Variants in HMGCLL1 observed in about 807,000 individuals in gnomAD.
HMGCLL1 encodes 3-hydroxymethyl-3-methylglutaryl-CoA lyase, cytoplasmic.
In HMGCLL1, 36 loss-of-function variants were observed where a neutral mutation model predicts 39.1. The observed-to-expected ratio is 0.92, with a 90% CI of 0.71 to 1.22. HMGCLL1 has a LOEUF of 1.22. Among genes scored for constraint, HMGCLL1 ranks in the 50% most tolerant of loss-of-function variants. HMGCLL1 has a pLI of 0.00. For synonymous variants in HMGCLL1, 149 were observed against 144.0 expected, an observed-to-expected ratio of 1.03 and a Z score of -0.25; for missense variants, 451 against 416.5, an observed-to-expected ratio of 1.08 and a Z score of -0.72.
At chr6:55,575,832 T>C (rs927640107) in intron 1 of HMGCLL1, among the ~76,000 whole-genome samples, 5 of 152,304 alleles carry the variant, frequency 3.3e-5, no homozygotes, top group Non-Finnish European at 5.9e-5. Context: ...ATGTCCCCAT[T>C]CTCACTGATT....
the HMGCLL1 span, among the ~76,000 whole-genome samples, chr6:55,594,304 A>C: frequency 6.6e-6 from 1 of 152,158 alleles, no homozygotes; most frequent in East Asian, 1.9e-4. Flanking sequence ...CATTGAGAAC[A>C]CATGTCCCAG....
rs542597506 is a variant in HMGCLL1 at position 55,461,160 on chromosome 6, A to G, written c.796-21601T>C. ...GACAAGCAATGTGAACATTCTAAAG[A>G]ATAATGATCTACTATTTATTTTTTT... On this transcript the variant is annotated intron_variant, in intron 7 of 8. Coordinates refer to ENST00000274901, the MANE Select transcript of HMGCLL1 (RefSeq NM_001042406.2). Among the ~76,000 whole-genome samples the G allele has an allele frequency of 1.2e-4, 19 of 152,096 alleles. No individual in the cohort carries two copies. In the South Asian group the frequency reaches 3.9e-3, roughly 32 times the overall value.
intron 1 of HMGCLL1, among the ~76,000 whole-genome samples, chr6:55,553,249 G>GTGTGTGTGTGTT (rs1770464541): frequency 9.9e-5 from 1 of 10,096 alleles, no homozygotes; most frequent in Non-Finnish European, 2.6e-4. Flanking sequence ...ACATATATAC[G>GTGTGTGTGTGTT]TGTGTGTGTG....
intron 1 of HMGCLL1, 115 bp from the exon 2 acceptor site, chr6:55,542,255 C>G: frequency 1.7e-6 from 1 of 572,320 alleles, no homozygotes; most frequent in Non-Finnish European, 3.0e-6. Context: ...AATTAAAATA[C>G]TGAAAAATCA....
At chr6:55,634,441 C>A in the HMGCLL1 span, among the ~76,000 whole-genome samples, 1 of 151,950 alleles carries the variant, frequency 6.6e-6, no homozygotes, top group Non-Finnish European at 1.5e-5. Flanking sequence ...TTCTTCAAGG[C>A]GACTACTGTG....
the HMGCLL1 span, among the ~76,000 whole-genome samples, chr6:55,659,336 A>G: frequency 8.5e-5 from 13 of 152,098 alleles, 1 homozygote; most frequent in African/African-American, 3.1e-4. Context: ...AAAATCATTT[A>G]TAACTTCATT....
At chr6:55,472,661 A>G (rs927973984) in intron 7 of HMGCLL1, among the ~76,000 whole-genome samples, 1 of 151,236 alleles carries the variant, frequency 6.6e-6, no homozygotes, top group African/African-American at 2.4e-5. Flanking sequence ...GAGATTACAG[A>G]TAATTACCAT....
chr6:55,480,491 A>G (rs1765683991), intron 7 of HMGCLL1, among the ~76,000 whole-genome samples: 1 of 151,734 alleles, frequency 6.6e-6, no homozygotes, highest in Admixed American at 6.6e-5. Flanking sequence ...GTGGAGAAAA[A>G]GGGAACTCTC....
At chr6:55,541,617 T>A (rs1769437249) in intron 3 of HMGCLL1, 112 bp downstream of exon 3, 1 of 623,580 alleles carries the variant, frequency 1.6e-6, no homozygotes, top group Non-Finnish European at 2.8e-6. Context: ...GTTAATATTT[T>A]GAAAGAATAT....
chr6:55,523,073 T>A (rs1489707534), intron 3 of HMGCLL1, among the ~76,000 whole-genome samples: 1 of 151,960 alleles, frequency 6.6e-6, no homozygotes, highest in Non-Finnish European at 1.5e-5. Context: ...GGACTCTATA[T>A]TTTGTACCCT....
chr6:55,591,392 T>G, the HMGCLL1 span, among the ~76,000 whole-genome samples: 13 of 151,976 alleles, frequency 8.6e-5, no homozygotes. Context: ...GTTCTAGGTC[T>G]TCGAAGCAAA....
intron 3 of HMGCLL1, among the ~76,000 whole-genome samples, chr6:55,530,816 C>T (rs1450790423): frequency 2.0e-5 from 3 of 151,950 alleles, no homozygotes; most frequent in African/African-American, 4.8e-5. Flanking sequence ...TAGATCAATC[C>T]GTGTGTACCT....
chr6:55,500,820 A>G (rs932115425), intron 5 of HMGCLL1, among the ~76,000 whole-genome samples: 1 of 152,008 alleles, frequency 6.6e-6, no homozygotes, highest in African/African-American at 2.4e-5. Flanking sequence ...GTTTTAATAC[A>G]AATGTAATGA....
At chr6:55,584,389 C>T in the HMGCLL1 span, among the ~76,000 whole-genome samples, 6 of 152,090 alleles carry the variant, frequency 3.9e-5, no homozygotes, top group Non-Finnish European at 8.8e-5. Flanking sequence ...TTGACTAATC[C>T]ACAAGAAAGA....
At chr6:55,441,671 A>G (rs1449151354) in intron 7 of HMGCLL1, among the ~76,000 whole-genome samples, 1 of 151,706 alleles carries the variant, frequency 6.6e-6, no homozygotes, top group African/African-American at 2.4e-5. Context: ...TTTGAGTAGT[A>G]TAAGTCATGT....
rs376902510 is a variant in HMGCLL1, at chr6:55,543,497, C to A, written c.109-1357G>T. On this transcript the variant is annotated intron_variant, in intron 1 of 8. Transcript: ENST00000274901. The stretch of plus-strand genomic sequence containing the variant: ...TATATAATATATATATGATATATAT[C>A]ATATATATCATATATAATATATATA... Among the ~76,000 whole-genome samples, 95 of 14,710 alleles carry A rather than the reference C, an allele frequency of 6.5e-3. 2 individuals are homozygous for A. The highest frequency in any genetic ancestry group is 0.017 in the African/African-American group (90 of 5,446). The allele number at this position is 14,710 out of a possible 152,430, so 9.7% of individuals were successfully genotyped here. A position where few individuals can be genotyped will look rare whatever the true frequency, so the allele number is the denominator to read the frequency against.
Position 55,515,065 on chromosome 6 carries a change from C to A in HMGCLL1, c.394-869G>T, listed in dbSNP as rs148228075. Among the ~76,000 whole-genome samples the A allele has an allele frequency of 9.6e-3, 1,455 of 152,032 alleles. 8 individuals are homozygous for A. The highest frequency in any genetic ancestry group is 0.013 in the Non-Finnish European group (884 of 67,976). On this transcript the variant is annotated intron_variant, in intron 4 of 8. Coordinates refer to ENST00000274901, the MANE Select transcript of HMGCLL1 (RefSeq NM_001042406.2). Reference sequence around the variant, plus strand: ...GTCAAGAGATCAAGACCATCCTGGCCAACATGGTGAAACCCCGTCTCTACT... The same window carrying A: ...GTCAAGAGATCAAGACCATCCTGGCAAACATGGTGAAACCCCGTCTCTACT...
In HMGCLL1 at chr6:55,541,958, A is replaced by G. The variant is rs1464323502; in HGVS notation, c.189+102T>C. 6 of 969,924 alleles carry G rather than the reference A, an allele frequency of 6.2e-6. No homozygotes were observed. In the East Asian group the frequency reaches 1.6e-4, roughly 25 times the overall value. The allele number at this position is 969,924 out of a possible 1,614,324, so 60.1% of individuals were successfully genotyped here. On this transcript the variant is annotated intron_variant, in intron 2 of 8. Transcript: ENST00000274901. ...AATTTACAAATTCAAGTAGCAATTGAGAAAAAATATAATCAGATAACATAT... is the reference window on the plus strand; with the variant it reads ...AATTTACAAATTCAAGTAGCAATTGGGAAAAAATATAATCAGATAACATAT...
chr6:55,639,148 C>A, the HMGCLL1 span, among the ~76,000 whole-genome samples: 2 of 151,828 alleles, frequency 1.3e-5, no homozygotes, highest in Non-Finnish European at 2.9e-5. Context: ...AAATGTTGAA[C>A]TATTAAATTA....
Sources: gnomAD v4.1 joint callset for allele counts (sites outside exome capture counted in the v4.1 genomes callset) on GRCh38, gnomAD v4.1.1 for gene constraint, MANE v1.5 for transcripts, NCBI Gene and HGNC (gene_info 2026-07-23, HGNC 2026-07-21) for gene names.